The following PARD3 variants were observed in gnomAD, a reference collection of about 807,000 sequenced individuals.
PARD3 encodes par-3 family cell polarity regulator.
A neutral mutation model predicts 155.4 loss-of-function variants in PARD3; 75 were observed. The ratio of observed to expected loss-of-function variants is 0.48; its 90% confidence interval spans 0.40 to 0.58. The LOEUF is 0.58. Ranked by LOEUF, PARD3 falls within the 20% of genes least tolerant of loss-of-function variation. The pLI is 0.00. For synonymous variants in PARD3, 576 were observed against 610.5 expected, an observed-to-expected ratio of 0.94 and a Z score of 0.83; for missense variants, 1,642 against 1,721.7, an observed-to-expected ratio of 0.95 and a Z score of 0.82.
chr10:34,199,746 C>G (rs189604155), intron 22 of PARD3, among the ~76,000 whole-genome samples: 4 of 152,136 alleles, frequency 2.6e-5, no homozygotes, highest in African/African-American at 9.7e-5. Flanking sequence ...GCAAGCTTTC[C>G]CTTCTGAGCA....
intron 2 of PARD3, among the ~76,000 whole-genome samples, chr10:34,607,907 C>T (rs1279994109): frequency 2.0e-5 from 3 of 152,116 alleles, no homozygotes; most frequent in Admixed American, 6.5e-5. Context: ...CACAGATCTC[C>T]CATTTATGTA....
chr10:34,173,834 T>A (rs933477416), intron 22 of PARD3, among the ~76,000 whole-genome samples: 8 of 152,166 alleles, frequency 5.3e-5, no homozygotes, highest in African/African-American at 1.9e-4. Flanking sequence ...CTGGCTTCAT[T>A]TGCCAAATGC....
intron 2 of PARD3, among the ~76,000 whole-genome samples, chr10:34,685,254 T>G (rs995809304): frequency 3.3e-5 from 5 of 152,202 alleles, no homozygotes; most frequent in Admixed American, 6.5e-5. Flanking sequence ...ATTATACTGT[T>G]TTCTGTAAGT....
Position 34,176,803 on chromosome 10 carries a change from C to T in PARD3, c.3420-45220G>A, listed in dbSNP as rs147614119. 5.0e-3 allele frequency among the ~76,000 whole-genome samples: 766 copies of T among 152,290 alleles called. 6 individuals carry two copies. Among genetic ancestry groups the T allele is most frequent in the African/African-American group, 0.017 (723 of 41,550 alleles). ...AAGGCTGTGCTGTGGAGATCAAAGT[C>T]AGCCAATGGTAAAACTCTAAATGAC... On this transcript the variant is annotated intron_variant, in intron 22 of 24. Coordinates refer to ENST00000374788, the MANE Select transcript of PARD3 (RefSeq NM_001184785.2).
chr10:34,202,747 C>T (rs943201252), intron 22 of PARD3, among the ~76,000 whole-genome samples: 1 of 152,118 alleles, frequency 6.6e-6, no homozygotes, highest in Non-Finnish European at 1.5e-5. Flanking sequence ...GAGTTTATCT[C>T]CAATTTAATA....
intron 10 of PARD3, among the ~76,000 whole-genome samples, chr10:34,375,296 A>G (rs1841115939): frequency 6.6e-6 from 1 of 152,160 alleles, no homozygotes; most frequent in Non-Finnish European, 1.5e-5. Flanking sequence ...CAAGCAATAA[A>G]TATTTCAAAA....
chr10:34,341,468 G>C (rs1836823969), intron 16 of PARD3, among the ~76,000 whole-genome samples, 159 bp downstream of exon 16: 1 of 152,138 alleles, frequency 6.6e-6, no homozygotes, highest in Non-Finnish European at 1.5e-5. Flanking sequence ...AATTTACAGA[G>C]TTCGGGTATA....
intron 22 of PARD3, among the ~76,000 whole-genome samples, chr10:34,191,780 G>C (rs995570716): frequency 2.0e-5 from 3 of 152,142 alleles, no homozygotes; most frequent in Admixed American, 2.0e-4. Context: ...AAGAACAACA[G>C]TCTCAGCGTC....
At chr10:34,180,111 G>A (rs749245162) in intron 22 of PARD3, among the ~76,000 whole-genome samples, 5 of 151,898 alleles carry the variant, frequency 3.3e-5, no homozygotes, top group African/African-American at 7.3e-5. Flanking sequence ...GCAGTGGCAC[G>A]ATCTCAGCTC....
At chr10:34,346,422 C>T in intron 15 of PARD3, 1 of 1,347,572 alleles carries the variant, frequency 7.4e-7, no homozygotes, top group Non-Finnish European at 9.9e-7. Flanking sequence ...GACCAATGGT[C>T]TGATTCAGTA....
intron 1 of PARD3, among the ~76,000 whole-genome samples, chr10:34,776,499 A>G (rs1409572572): frequency 1.3e-5 from 2 of 152,150 alleles, no homozygotes; most frequent in Admixed American, 6.5e-5. Flanking sequence ...GGTATGAACC[A>G]CAGGGAACTT....
In PARD3 at chr10:34,277,342, T is replaced by A. The variant is rs189160244; in HGVS notation, c.3176+6793A>T. ...ATACTGCAGCTCAACTCATCCTTCC[T>A]TTGGGTGATCCTCCCCCTGCCAGGT... is the stretch of plus-strand genomic sequence containing the variant. On this transcript the variant is annotated intron_variant, in intron 21 of 24. Transcript: ENST00000374788. Among the ~76,000 whole-genome samples, 3 of 152,288 alleles carry A rather than the reference T, an allele frequency of 2.0e-5. No homozygotes were observed. In the East Asian group the frequency reaches 5.8e-4, roughly 29 times the overall value.
intron 7 of PARD3, among the ~76,000 whole-genome samples, chr10:34,397,356 T>C (rs1006175972): frequency 6.6e-6 from 1 of 152,230 alleles, no homozygotes. Flanking sequence ...TCTGCTTCCA[T>C]ATGAAAATTG....
chr10:34,673,853 T>C (rs2093650807), intron 2 of PARD3, among the ~76,000 whole-genome samples: 1 of 151,996 alleles, frequency 6.6e-6, no homozygotes, highest in Non-Finnish European at 1.5e-5. Context: ...TAGCCAGGCA[T>C]AGTGAAGCAT....
chr10:34,259,813 T>C (rs1355142650), intron 22 of PARD3, among the ~76,000 whole-genome samples: 5 of 152,134 alleles, frequency 3.3e-5, no homozygotes, highest in Non-Finnish European at 7.3e-5. Flanking sequence ...GGAATTTTTC[T>C]TTTTTTCTTT....
chr10:34,500,399 CA>C (rs1346332531), intron 3 of PARD3, among the ~76,000 whole-genome samples: 1 of 152,092 alleles, frequency 6.6e-6, no homozygotes, highest in Admixed American at 6.6e-5. Flanking sequence ...TCATTAGAAC[CA>C]ATCTTCCACC....
chr10:34,705,256 G>T (rs1489399696), intron 1 of PARD3, among the ~76,000 whole-genome samples: 1 of 152,132 alleles, frequency 6.6e-6, no homozygotes, highest in Non-Finnish European at 1.5e-5. Flanking sequence ...CTTGAGCCCA[G>T]GAGTTCAAGA....
chr10:34,769,791 C>CAAAAA (rs1315957949), intron 1 of PARD3, among the ~76,000 whole-genome samples: 4 of 27,748 alleles, frequency 1.4e-4, no homozygotes, highest in African/African-American at 3.9e-4. Context: ...AACAAACGAA[C>CAAAAA]AAAAAAACAA....
intron 22 of PARD3, among the ~76,000 whole-genome samples, chr10:34,224,561 A>G (rs1006722550): frequency 2.0e-5 from 3 of 152,224 alleles, no homozygotes; most frequent in Non-Finnish European, 2.9e-5. Context: ...CAAATTTAAG[A>G]TAACTCTCTA....
Sources: allele counts gnomAD v4.1 joint callset (sites outside exome capture counted in the v4.1 genomes callset), GRCh38; gene constraint gnomAD v4.1.1; transcripts MANE v1.5; gene names NCBI Gene and HGNC (gene_info 2026-07-23, HGNC 2026-07-21).